Variants in FTO observed in about 807,000 individuals in gnomAD.
FTO encodes alpha-ketoglutarate-dependent dioxygenase FTO.
A neutral mutation model predicts 63.9 loss-of-function variants in FTO; 47 were observed. The observed-to-expected ratio is 0.74, with a 90% CI of 0.58 to 0.94. FTO has a LOEUF of 0.94. Among genes scored for constraint, FTO ranks in the 40% least tolerant of loss-of-function variants. FTO has a pLI of 0.00. For synonymous variants in FTO, 207 were observed against 224.4 expected (o/e 0.92, Z 0.69); for missense variants, 562 against 618.1 (o/e 0.91, Z 0.96).
intron 1 of FTO, among the ~76,000 whole-genome samples, chr16:53,779,143 C>G (rs1257107909): frequency 6.6e-6 from 1 of 152,108 alleles, no homozygotes; most frequent in Non-Finnish European, 1.5e-5. Context: ...GACTGGCTGT[C>G]AGATCTCCCA....
rs2077046548 is a variant in FTO at position 53,760,688 on chromosome 16, A to G, written c.46-49452A>G. On this transcript the variant is annotated intron_variant, in intron 1 of 8. Coordinates refer to ENST00000471389, the MANE Select transcript of FTO (RefSeq NM_001080432.3). The stretch of plus-strand genomic sequence containing the variant: ...GTTGCCCAGACTGGAGTGTAGTGGC[A>G]TGATCTCAGCTCACTGCAACCTCCG... 2.2e-5 allele frequency among the ~76,000 whole-genome samples: 3 copies of G among 135,628 alleles called. No individual in the cohort carries two copies. In the South Asian group the frequency reaches 7.0e-4, roughly 32 times the overall value. The allele number at this position is 135,628 out of a possible 152,430, so 89.0% of individuals were successfully genotyped here.
At position 53,888,812 on chromosome 16, in the gene FTO, C is replaced by A; in HGVS notation, c.1120-20C>A. 1 of 1,613,730 alleles carries A rather than the reference C, an allele frequency of 6.2e-7. No homozygotes were observed. The highest frequency in any genetic ancestry group is 1.1e-5 in the South Asian group (1 of 91,068). ...ATCACAAGGGTATTAAAACCACCAT[C>A]TTCTCTTTATGGTCCACAGGTCGAG... On this transcript the variant is annotated intron_variant, in intron 6 of 8. Transcript: ENST00000471389.
At chr16:53,705,715 G>A (rs1388408693) in intron 1 of FTO, among the ~76,000 whole-genome samples, 1 of 152,154 alleles carries the variant, frequency 6.6e-6, no homozygotes, top group Non-Finnish European at 1.5e-5. Context: ...CAAAGAGGGC[G>A]ACCCTTCTGC....
At chr16:54,034,602 G>A (rs573661632) in intron 8 of FTO, among the ~76,000 whole-genome samples, 1 of 152,256 alleles carries the variant, frequency 6.6e-6, no homozygotes, top group South Asian at 2.1e-4. Context: ...GAGACCAATA[G>A]GATGGTGTGA....
chr16:53,772,122 A>G (rs541581898), intron 1 of FTO, among the ~76,000 whole-genome samples: 2 of 152,204 alleles, frequency 1.3e-5, no homozygotes, highest in South Asian at 4.1e-4. Flanking sequence ...CGATATCTCA[A>G]TAAAGCTGCT....
chr16:53,846,627 C>T (rs1239455635), intron 4 of FTO, among the ~76,000 whole-genome samples: 1 of 151,574 alleles, frequency 6.6e-6, no homozygotes, highest in Non-Finnish European at 1.5e-5. Flanking sequence ...TTGATGAAAC[C>T]CCCCGTCTCC....
chr16:53,809,350 C>T lies in FTO; in HGVS notation c.46-790C>T, dbSNP rs573703011. On this transcript the variant is annotated intron_variant, in intron 1 of 8. Transcript: ENST00000471389. Reference sequence around the variant, plus strand: ...GGATATGATCTCAAATAAATGTTTACAAGATGAATAACTCTTCCACATATG... The same window carrying T: ...GGATATGATCTCAAATAAATGTTTATAAGATGAATAACTCTTCCACATATG... 7.2e-5 allele frequency among the ~76,000 whole-genome samples: 11 copies of T among 152,248 alleles called. 1 individual carries two copies. In the East Asian group the frequency reaches 2.1e-3, roughly 29 times the overall value.
At chr16:53,706,951 A>G (rs1489678771) in intron 1 of FTO, among the ~76,000 whole-genome samples, 3 of 152,140 alleles carry the variant, frequency 2.0e-5, no homozygotes, top group Non-Finnish European at 4.4e-5. Flanking sequence ...GAGTCTTTAC[A>G]TTTTTATTTC....
intron 4 of FTO, among the ~76,000 whole-genome samples, chr16:53,861,360 A>G (rs1438415060): frequency 1.3e-5 from 2 of 152,210 alleles, no homozygotes; most frequent in Non-Finnish European, 2.9e-5. Context: ...TCCAATTTAC[A>G]AATATTTTTG....
At chr16:54,038,371 A>C (rs2084992400) in intron 8 of FTO, among the ~76,000 whole-genome samples, 1 of 152,108 alleles carries the variant, frequency 6.6e-6, no homozygotes, top group Non-Finnish European at 1.5e-5. Context: ...CTCTCAGTGA[A>C]GTTCCTTCTG....
intron 8 of FTO, among the ~76,000 whole-genome samples, chr16:53,962,210 A>C (rs987018906): frequency 6.6e-6 from 1 of 152,224 alleles, no homozygotes; most frequent in African/African-American, 2.4e-5. Context: ...TTGTATGCTT[A>C]GCTTGTGGTC....
intron 1 of FTO, among the ~76,000 whole-genome samples, chr16:53,768,492 G>C (rs890428016): frequency 6.6e-6 from 1 of 152,188 alleles, no homozygotes; most frequent in African/African-American, 2.4e-5. Context: ...GTAGGGGATG[G>C]AATAGATATT....
At chr16:53,817,296 A>G (rs2078722148) in intron 2 of FTO, among the ~76,000 whole-genome samples, 1 of 152,192 alleles carries the variant, frequency 6.6e-6, no homozygotes, top group Non-Finnish European at 1.5e-5. Flanking sequence ...GTGACTCCAG[A>G]AGTGTATCCC....
At chr16:53,860,881 AACACACACACACAC>A (rs35826323) in intron 4 of FTO, among the ~76,000 whole-genome samples, 2,645 of 145,824 alleles carry the variant, frequency 0.018, 37 homozygotes, top group Non-Finnish European at 0.026. Flanking sequence ...AAATGTTTTT[AACACACACACACAC>A]ACACACACAC....
chr16:54,087,367 G>A (rs558011119), intron 8 of FTO, among the ~76,000 whole-genome samples: 6 of 152,214 alleles, frequency 3.9e-5, no homozygotes, highest in South Asian at 2.1e-4. Flanking sequence ...TACTCTTCCC[G>A]TCGCAAGGCT....
At chr16:54,030,114 C>T (rs1190510006) in intron 8 of FTO, among the ~76,000 whole-genome samples, 1 of 152,194 alleles carries the variant, frequency 6.6e-6, no homozygotes, top group Admixed American at 6.6e-5. Flanking sequence ...TTCTCTCTTC[C>T]TCCTAATCCT....
At chr16:53,854,639 G>A (rs2079924273) in intron 4 of FTO, among the ~76,000 whole-genome samples, 1 of 152,038 alleles carries the variant, frequency 6.6e-6, no homozygotes, top group Non-Finnish European at 1.5e-5. Flanking sequence ...CCATCAGTCT[G>A]TGTATCTACT....
chr16:54,111,367 T>G (rs1036124745), intron 8 of FTO, among the ~76,000 whole-genome samples: 7 of 152,186 alleles, frequency 4.6e-5, no homozygotes, highest in Non-Finnish European at 8.8e-5. Flanking sequence ...ATTTAATCTT[T>G]CCCAGTAATC....
chr16:53,836,351 T>G (rs2079293183), intron 3 of FTO, among the ~76,000 whole-genome samples: 1 of 152,224 alleles, frequency 6.6e-6, no homozygotes, highest in Non-Finnish European at 1.5e-5. Context: ...CCCACAACAG[T>G]AAACACTCTC....
Sources: gnomAD v4.1 joint callset for allele counts (sites outside exome capture counted in the v4.1 genomes callset) on GRCh38, gnomAD v4.1.1 for gene constraint, MANE v1.5 for transcripts, NCBI Gene and HGNC (gene_info 2026-07-23, HGNC 2026-07-21) for gene names.